GMPS: variants seen among roughly 807,000 people sequenced by gnomAD.
GMPS encodes the protein guanosine monophosphate synthase.
A neutral mutation model predicts 77.9 loss-of-function variants in GMPS; 15 were observed. The observed-to-expected ratio is 0.19, with a 90% CI of 0.13 to 0.30. GMPS has a LOEUF of 0.30. Among genes scored for constraint, GMPS ranks in the 10% least tolerant of loss-of-function variants. GMPS has a pLI of 1.00. For missense variants in GMPS, 590 were observed against 838.8 expected (o/e 0.70, Z 3.66); for synonymous variants, 224 against 275.9 (o/e 0.81, Z 1.86).
intron 1 of GMPS, among the ~76,000 whole-genome samples, chr3:155,871,611 GGTGT>G (rs2108038972): frequency 6.6e-6 from 1 of 152,364 alleles, no homozygotes; most frequent in South Asian, 2.1e-4. Flanking sequence ...GAGAGGAAAG[GGTGT>G]GTGTCCAGGT....
At chr3:155,912,005 A>G (rs1032368113) in intron 7 of GMPS, among the ~76,000 whole-genome samples, 5 of 152,128 alleles carry the variant, frequency 3.3e-5, no homozygotes, top group African/African-American at 9.7e-5. Flanking sequence ...AAGGGCCACT[A>G]GTAAACTTCT....
At chr3:155,905,554 A>C (rs1754855656) in intron 4 of GMPS, among the ~76,000 whole-genome samples, 1 of 152,194 alleles carries the variant, frequency 6.6e-6, no homozygotes, top group Admixed American at 6.5e-5. Context: ...GGCAGTACCT[A>C]GTCTTTTAGA....
At chr3:155,876,502 A>G (rs1357978348) in intron 1 of GMPS, among the ~76,000 whole-genome samples, 2 of 152,266 alleles carry the variant, frequency 1.3e-5, no homozygotes, top group African/African-American at 4.8e-5. Context: ...GGTATTAGAT[A>G]TAAGGTGAAA....
At chr3:155,919,077 G>C (rs1297640202) in intron 9 of GMPS, among the ~76,000 whole-genome samples, 156 bp from the exon 10 acceptor site, 1 of 152,110 alleles carries the variant, frequency 6.6e-6, no homozygotes, top group Admixed American at 6.6e-5. Flanking sequence ...TTCCTTATAG[G>C]CACTTAGGAA....
At chr3:155,889,685 CA>C (rs1194583523) in intron 1 of GMPS, among the ~76,000 whole-genome samples, 1 of 152,206 alleles carries the variant, frequency 6.6e-6, no homozygotes, top group Non-Finnish European at 1.5e-5. Flanking sequence ...TTTCCATAAA[CA>C]TTTCCATCTC....
chr3:155,924,038 G>A (rs566153196), intron 11 of GMPS, among the ~76,000 whole-genome samples: 2 of 152,240 alleles, frequency 1.3e-5, no homozygotes, highest in African/African-American at 2.4e-5. Context: ...GTGCCATCAC[G>A]CTTGGCTAAT....
At position 155,939,505 on chromosome 3, in the gene GMPS, G is replaced by T; in HGVS notation, c.*1813G>T. 4.9e-6 allele frequency: 1 copy of T among 205,588 alleles called. No homozygotes were observed. The highest frequency in any genetic ancestry group is 1.0e-5 in the Non-Finnish European group (1 of 100,492). The allele number at this position is 205,588 out of a possible 1,614,324, so 12.7% of individuals were successfully genotyped here. ...AAGGATTAGGTGGTCATATAAGTTTGGGGAACATAAGCTCACTTGTCCTTT... is the reference window on the plus strand; with the variant it reads ...AAGGATTAGGTGGTCATATAAGTTTTGGGAACATAAGCTCACTTGTCCTTT... On this transcript the variant is annotated 3_prime_UTR_variant, in exon 16 of 16. Transcript: ENST00000496455.
Position 155,940,627 on chromosome 3 carries a change from A to C in GMPS, c.*2935A>C, listed in dbSNP as rs1253868796. The stretch of plus-strand genomic sequence containing the variant: ...CTTGGTCAAGTCATTTCTGTTCTTT[A>C]TCTGTGACATGAGGTAACTGTATTA... On this transcript the variant is annotated 3_prime_UTR_variant, in exon 16 of 16. Transcript: ENST00000496455. 9.2e-6 allele frequency: 2 copies of C among 218,384 alleles called. No individual in the cohort carries two copies. Among genetic ancestry groups the C allele is most frequent in the Admixed American group, 5.8e-5 (1 of 17,258 alleles). The allele number at this position is 218,384 out of a possible 1,614,324, so 13.5% of individuals were successfully genotyped here.
chr3:155,896,367 C>A (rs1418843272), intron 2 of GMPS, among the ~76,000 whole-genome samples: 1 of 152,102 alleles, frequency 6.6e-6, no homozygotes, highest in Non-Finnish European at 1.5e-5. Context: ...GTAACCCCAT[C>A]CCCCTTTAGA....
intron 1 of GMPS, among the ~76,000 whole-genome samples, chr3:155,887,953 C>T (rs566462283): frequency 1.3e-5 from 2 of 152,262 alleles, no homozygotes; most frequent in South Asian, 4.1e-4. Context: ...AACAACAGAA[C>T]TACAGAGTCT....
chr3:155,893,809 G>C, intron 2 of GMPS, 110 bp downstream of exon 2: 1 of 596,556 alleles, frequency 1.7e-6, no homozygotes, highest in Non-Finnish European at 2.7e-6. Flanking sequence ...GATATGGAAT[G>C]GTTTTATGAG....
intron 9 of GMPS, among the ~76,000 whole-genome samples, chr3:155,918,929 A>G (rs892715430): frequency 1.4e-4 from 21 of 152,220 alleles, no homozygotes; most frequent in African/African-American, 5.1e-4. Flanking sequence ...ACACTAGTAT[A>G]TTTTCTAATT....
At chr3:155,901,758 G>A (rs1017586213) in intron 3 of GMPS, among the ~76,000 whole-genome samples, 10 of 151,362 alleles carry the variant, frequency 6.6e-5, no homozygotes, top group Admixed American at 1.3e-4. Flanking sequence ...ACGTTTATTT[G>A]CCATTTGTGT....
intron 13 of GMPS, 25 bp downstream of exon 13, chr3:155,931,905 G>A (rs1185669766): frequency 9.6e-7 from 1 of 1,037,786 alleles, no homozygotes; most frequent in Non-Finnish European, 1.5e-6. Flanking sequence ...AGCTAGGGTG[G>A]GGGCTTGTGT....
intron 1 of GMPS, among the ~76,000 whole-genome samples, chr3:155,875,510 G>A (rs1410231934): frequency 2.0e-5 from 3 of 152,234 alleles, no homozygotes; most frequent in Admixed American, 1.3e-4. Flanking sequence ...GATGATAGGC[G>A]TGAGCCATTG....
In GMPS at chr3:155,911,185, A is replaced by G; in HGVS notation, c.792A>G (p.Gln264=). 2 of 1,612,848 alleles carry G rather than the reference A, an allele frequency of 1.2e-6. No individual in the cohort carries two copies. The highest frequency in any genetic ancestry group is 1.7e-6 in the Non-Finnish European group (2 of 1,178,866). The change falls in exon 7 of 16, where the codon CAA becomes CAG. Residue 264 remains glutamine (Q), a synonymous_variant. Coordinates refer to ENST00000496455, the MANE Select transcript of GMPS (RefSeq NM_003875.3). ...ALLNRALNQE[Q]VIAVHIDNGF... is the part of the protein sequence containing the mutation. The stretch of plus-strand genomic sequence containing the variant: ...TAAATCGTGCTTTGAACCAAGAACA[A>G]GTCATTGCTGTGCACATTGATAATG...
At chr3:155,897,195 G>A (rs1170085191) in intron 2 of GMPS, among the ~76,000 whole-genome samples, 1 of 152,116 alleles carries the variant, frequency 6.6e-6, no homozygotes, top group African/African-American at 2.4e-5. Context: ...TTTTTTGAGT[G>A]AATACTCATG....
At chr3:155,908,616 A>G (rs1754955623) in intron 5 of GMPS, among the ~76,000 whole-genome samples, 1 of 152,218 alleles carries the variant, frequency 6.6e-6, no homozygotes, top group African/African-American at 2.4e-5. Flanking sequence ...AGGCAGAGAC[A>G]GAGGATTTGC....
At chr3:155,877,632 G>A (rs540645525) in intron 1 of GMPS, among the ~76,000 whole-genome samples, 2 of 152,140 alleles carry the variant, frequency 1.3e-5, no homozygotes, top group South Asian at 2.1e-4. Flanking sequence ...TGTTGGGGCC[G>A]CTAAAACAAA....
Sources: gnomAD v4.1 joint callset for allele counts (sites outside exome capture counted in the v4.1 genomes callset) on GRCh38, gnomAD v4.1.1 for gene constraint, MANE v1.5 for transcripts, NCBI Gene and HGNC (gene_info 2026-07-23, HGNC 2026-07-21) for gene names.